Variants in KCP observed in about 807,000 individuals in gnomAD.
KCP encodes kielin/chordin-like protein.
In KCP, 194 loss-of-function variants were observed where a neutral mutation model predicts 212.7. That is an observed-to-expected ratio of 0.91 (90% confidence interval 0.81 to 1.03). KCP has a LOEUF of 1.03. Among genes scored for constraint, KCP ranks in the 50% least tolerant of loss-of-function variants. The pLI, the probability that KCP is intolerant of heterozygous loss-of-function variation, is 0.00. For missense variants in KCP, 2,080 were observed against 2,162.5 expected (o/e 0.96, Z 0.76); for synonymous variants, 833 against 865.3 (o/e 0.96, Z 0.65).
At chr7:128,906,950 C>CTA in intron 4 of KCP, 151 bp downstream of exon 4, 1 of 757,732 alleles carries the variant, frequency 1.3e-6, no homozygotes, top group South Asian at 1.9e-5. Context: ...GCTCCTTTTC[C>CTA]TACTCGGAAT....
chr7:128,909,931 T>C (rs967829974), intron 1 of KCP, among the ~76,000 whole-genome samples: 3 of 152,180 alleles, frequency 2.0e-5, no homozygotes, highest in Admixed American at 1.3e-4. Flanking sequence ...GCGGCCACGA[T>C]GGGCGTCTCA....
chr7:128,894,486 T>G (rs1053739917), intron 8 of KCP, among the ~76,000 whole-genome samples, 193 bp from the exon 9 acceptor site: 5 of 152,188 alleles, frequency 3.3e-5, no homozygotes, highest in Non-Finnish European at 5.9e-5. Flanking sequence ...ACAGGGTCAT[T>G]GCAGATGTAA....
intron 13 of KCP, 93 bp from the exon 14 acceptor site, chr7:128,893,114 G>A (rs1001355323): frequency 2.0e-5 from 22 of 1,086,866 alleles, no homozygotes; most frequent in Admixed American, 6.0e-5. Context: ...CGCCATCCCC[G>A]CTGACACTGT....
chr7:128,880,508 G>A lies in KCP; in HGVS notation c.3637C>T (p.His1213Tyr). ...RCQAPTQSCVHQGREVASGER... is the reference protein window; with the variant it reads ...RCQAPTQSCVYQGREVASGER... Reference sequence around the variant, plus strand: ...CCAGAGGCCACCTCACGGCCCTGGTGCACGCAGGACTGGGTGGGAGCTGAA... The same window carrying A: ...CCAGAGGCCACCTCACGGCCCTGGTACACGCAGGACTGGGTGGGAGCTGAA... Residue 1213 changes from histidine (H) to tyrosine (Y), a missense_variant, in exon 34 of 40, where the codon CAC (histidine) becomes TAC (tyrosine). Transcript: ENST00000610776. 2 of 1,519,282 alleles carry A rather than the reference G, an allele frequency of 1.3e-6. No homozygotes were observed. The highest frequency in any genetic ancestry group is 8.9e-7 in the Non-Finnish European group (1 of 1,126,602). 94.1% of individuals were successfully genotyped at this position (1,519,282 alleles called of 1,614,324 possible).
In KCP at chr7:128,877,397, C is replaced by T. The variant is rs537190903; in HGVS notation, c.4619-86G>A. The T allele has an allele frequency of 1.1e-3, 1,642 of 1,526,150 alleles. 1 individual carries two copies. The highest frequency in any genetic ancestry group is 1.3e-3 in the Non-Finnish European group (1,506 of 1,134,294). The allele number at this position is 1,526,150 out of a possible 1,614,324, so 94.5% of individuals were successfully genotyped here. On this transcript the variant is annotated intron_variant, in intron 39 of 39. Coordinates refer to ENST00000610776, the MANE Select transcript of KCP (RefSeq NM_001366122.1). ...GTACCCCTGCGAGACTCGCCATACC[C>T]GGCCTGGTCCTGCCCTGAGCCCTCC...
intron 7 of KCP, 104 bp from the exon 8 acceptor site, chr7:128,902,963 T>C: frequency 1.2e-6 from 1 of 852,912 alleles, no homozygotes; most frequent in Non-Finnish European, 1.9e-6. Flanking sequence ...GAGGGCTCTC[T>C]CCCGAGCCAA....
chr7:128,893,671 G>A (rs1405909598), intron 11 of KCP, 135 bp downstream of exon 11: 8 of 1,053,534 alleles, frequency 7.6e-6, no homozygotes, highest in Non-Finnish European at 1.1e-5. Flanking sequence ...AGTTTGCCAT[G>A]AGAAGGTGTG....
chr7:128,883,788 T>G (rs74342948), intron 29 of KCP, among the ~76,000 whole-genome samples: 2,368 of 152,274 alleles, frequency 0.016, 73 homozygotes, highest in African/African-American at 0.055. Flanking sequence ...GCCAAGATGC[T>G]CCACAAACTG....
chr7:128,883,888 C>A, intron 29 of KCP, 114 bp downstream of exon 29: 1 of 1,334,354 alleles, frequency 7.5e-7, no homozygotes, highest in South Asian at 1.5e-5. Flanking sequence ...CATAGGGTTC[C>A]AGAACAGTCC....
intron 29 of KCP, among the ~76,000 whole-genome samples, chr7:128,882,403 ATGCCAGCACTCAG>A (rs1793387083): frequency 6.6e-6 from 1 of 152,154 alleles, no homozygotes; most frequent in South Asian, 2.1e-4. Flanking sequence ...TCGAATCCTG[ATGCCAGCACTCAG>A]TGCCTGTGCT....
intron 5 of KCP, chr7:128,904,402 A>C: frequency 6.6e-7 from 1 of 1,510,978 alleles, no homozygotes; most frequent in African/African-American, 1.4e-5. Flanking sequence ...ACACTGAGCC[A>C]GCCCTCCCTT....
At chr7:128,880,559 G>T (rs929562949) in intron 33 of KCP, 31 bp from the exon 34 acceptor site, 2 of 1,386,704 alleles carry the variant, frequency 1.4e-6, no homozygotes, top group Non-Finnish European at 1.9e-6. Context: ...AGGGTCAGCT[G>T]CTCCTCCCAC....
chr7:128,907,916 G>T (rs1352809089), intron 2 of KCP, among the ~76,000 whole-genome samples: 1 of 152,058 alleles, frequency 6.6e-6, no homozygotes, highest in African/African-American at 2.4e-5. Context: ...ATCACCTAAG[G>T]TCAGGAGTTC....
At chr7:128,897,763 A>G (rs1476426350) in intron 8 of KCP, among the ~76,000 whole-genome samples, 1 of 152,248 alleles carries the variant, frequency 6.6e-6, no homozygotes, top group South Asian at 2.1e-4. Flanking sequence ...GATTCTAGAT[A>G]AGGCCTGGGG....
At chr7:128,880,281 G>A (rs1793246724) in intron 34 of KCP, 105 bp downstream of exon 34, 4 of 1,393,204 alleles carry the variant, frequency 2.9e-6, no homozygotes, top group Non-Finnish European at 3.8e-6. Flanking sequence ...CTCCCAGCTG[G>A]CGGCAGGAGC....
In KCP at chr7:128,906,330, G is replaced by C. The variant is rs1795117821; in HGVS notation, c.520C>G (p.Pro174Ala). 17 of 1,550,350 alleles carry C rather than the reference G, an allele frequency of 1.1e-5. No homozygotes were observed. The highest frequency in any genetic ancestry group is 1.4e-5 in the Non-Finnish European group (16 of 1,146,930). The change falls in exon 5 of 40, where the codon CCA becomes GCA. Residue 174 changes from proline to alanine, a missense_variant. Transcript: ENST00000610776. The part of the protein sequence containing the change: ...GTITCNQKPC[P>A]RGPCPEPGAC... The stretch of plus-strand genomic sequence containing the variant: ...CCTGGCTCAGGGCAGGGTCCTCTTG[G>C]GCATGGCTTCTGGTTGCAAGTGATG...
chr7:128,887,176 G>T, intron 23 of KCP, 39 bp downstream of exon 23: 1 of 1,515,748 alleles, frequency 6.6e-7, no homozygotes, highest in Non-Finnish European at 9.0e-7. Flanking sequence ...GAGTATCAAG[G>T]GAGGAAAGGT....
At chr7:128,880,906 A>G (rs1793290071) in intron 32 of KCP, 91 bp downstream of exon 32, 1 of 399,368 alleles carries the variant, frequency 2.5e-6, no homozygotes, top group Non-Finnish European at 4.4e-6. Flanking sequence ...CCTGACCCTT[A>G]AAGACCCCAT....
At chr7:128,908,604 T>A in intron 1 of KCP, 36 bp from the exon 2 acceptor site, 5 of 1,538,256 alleles carry the variant, frequency 3.3e-6, no homozygotes, top group Non-Finnish European at 3.5e-6. Context: ...GGCCTGAGGG[T>A]GAGGGGCTGG....
Sources: gnomAD v4.1 joint callset for allele counts (sites outside exome capture counted in the v4.1 genomes callset) on GRCh38, gnomAD v4.1.1 for gene constraint, MANE v1.5 for transcripts, NCBI Gene and HGNC (gene_info 2026-07-23, HGNC 2026-07-21) for gene names.